Variants in ABR observed in about 807,000 individuals in gnomAD.
ABR encodes the protein active breakpoint cluster region-related protein.
A neutral mutation model predicts 107.2 loss-of-function variants in ABR; 35 were observed. That is an observed-to-expected ratio of 0.33 (90% confidence interval 0.25 to 0.43). The LOEUF (loss-of-function observed/expected upper bound fraction) is 0.43, where lower values mean the gene tolerates loss of function less well. Among genes scored for constraint, ABR ranks in the 20% least tolerant of loss-of-function variants. ABR has a pLI of 1.00. For missense variants in ABR, 815 were observed against 1,115.2 expected, an observed-to-expected ratio of 0.73 and a Z score of 3.83; for synonymous variants, 498 against 462.0, an observed-to-expected ratio of 1.08 and a Z score of -1.00.
intron 2 of ABR, among the ~76,000 whole-genome samples, chr17:1,117,916 C>G (rs1220470240): frequency 8.8e-6 from 1 of 113,224 alleles, no homozygotes; most frequent in African/African-American, 3.5e-5. Flanking sequence ...CAGCGTTATC[C>G]CTGAGCCTGA....
chr17:1,100,282 C>G (rs75085312), intron 3 of ABR, among the ~76,000 whole-genome samples: 3,454 of 152,304 alleles, frequency 0.023, 137 homozygotes, highest in African/African-American at 0.079. Flanking sequence ...TTGGGAATGA[C>G]TGCCCAGAGC....
At chr17:1,218,841 A>G (rs1460248142) in intron 1 of ABR, among the ~76,000 whole-genome samples, 7 of 152,190 alleles carry the variant, frequency 4.6e-5, no homozygotes, top group African/African-American at 7.2e-5. Flanking sequence ...ACTGCAGTGT[A>G]CTTCTAGACT....
rs57761576 is a variant in ABR, at chr17:1,225,148, C to CA, written c.838+3644dup. ...TGGGCAACACCGTGAGACTCCATCT[C>CA]AAAAAAAAAAAAAAAGAAAAGAAAA... On this transcript the variant is annotated intron_variant, in intron 1 of 22. Coordinates refer to the ABR transcript ENST00000574139. Among the ~76,000 whole-genome samples the CA allele has an allele frequency of 1.8e-3, 210 of 119,030 alleles. 1 individual carries two copies. The East Asian group carries it at 0.019, about 11-fold the overall frequency. 78.1% of individuals were successfully genotyped at this position (119,030 alleles called of 152,430 possible). A position where few individuals can be genotyped will look rare whatever the true frequency, so the allele number is the denominator to read the frequency against.
In ABR at chr17:1,210,121, G is replaced by A. The variant is rs1439776375; in HGVS notation, c.838+18672C>T. On this transcript the variant is annotated intron_variant, in intron 1 of 22. Transcript: ENST00000574139. This position sits in a 1 kb window ranked among gnomAD's most constrained non-coding sequence, Gnocchi z 5.6. ...GGCTGATCTCTTAGAGAGACAGGGA[G>A]AAAGTAGAGGTAGAAAGTAACAGAA... Among the ~76,000 whole-genome samples the A allele has an allele frequency of 1.3e-5, 2 of 152,224 alleles. No homozygotes were observed. Among genetic ancestry groups the A allele is most frequent in the African/African-American group, 4.8e-5 (2 of 41,446 alleles).
At chr17:1,030,318 C>A (rs1053632814) in intron 16 of ABR, among the ~76,000 whole-genome samples, 7 of 152,244 alleles carry the variant, frequency 4.6e-5, no homozygotes, top group African/African-American at 1.7e-4. Flanking sequence ...GGACCCGGAA[C>A]CTGCCAGGTC....
chr17:1,101,932 A>T (rs1445128993), intron 2 of ABR, among the ~76,000 whole-genome samples: 1 of 151,802 alleles, frequency 6.6e-6, no homozygotes, highest in Admixed American at 6.6e-5. Context: ...CCGGGATTTC[A>T]CCGTGTTAGC....
chr17:1,100,274 G>A (rs992171814), intron 3 of ABR, among the ~76,000 whole-genome samples: 1 of 152,232 alleles, frequency 6.6e-6, no homozygotes, highest in African/African-American at 2.4e-5. Context: ...TGGATTGATT[G>A]GGAATGACTG....
intron 7 of ABR, 89 bp from the exon 8 acceptor site, chr17:1,072,843 T>C: frequency 6.8e-7 from 1 of 1,462,802 alleles, no homozygotes; most frequent in Non-Finnish European, 9.0e-7. Flanking sequence ...ATCCAAAGGG[T>C]GGGCACTCAG....
At chr17:1,025,156 C>T (rs1449293158) in intron 16 of ABR, among the ~76,000 whole-genome samples, 3 of 141,780 alleles carry the variant, frequency 2.1e-5, no homozygotes, top group Admixed American at 1.4e-4. Flanking sequence ...CTTGGCCGGG[C>T]GTGGTGGCGG....
In ABR at chr17:1,016,465, T is replaced by C. The variant is rs960691399; in HGVS notation, c.1792-3301A>G. Reference sequence around the variant, plus strand: ...CCGAGTAGCTGGGATTACAGGTGCCTGCCACCACGCCCAGCTAATTTTTTA... The same window carrying C: ...CCGAGTAGCTGGGATTACAGGTGCCCGCCACCACGCCCAGCTAATTTTTTA... On this transcript the variant is annotated intron_variant, in intron 16 of 22. Coordinates refer to ENST00000302538, the MANE Select transcript of ABR (RefSeq NM_021962.5). 1.1e-4 allele frequency among the ~76,000 whole-genome samples: 17 copies of C among 151,840 alleles called. No homozygotes were observed. The South Asian group carries it at 1.2e-3, about 11-fold the overall frequency.
At chr17:1,079,136 G>T in intron 6 of ABR, 194 bp downstream of exon 6, 1 of 1,436,984 alleles carries the variant, frequency 7.0e-7, no homozygotes, top group Non-Finnish European at 9.1e-7. Flanking sequence ...TGGCTGCCTG[G>T]GCACGAGGCT....
intron 12 of ABR, 54 bp from the exon 13 acceptor site, chr17:1,057,156 G>T: frequency 7.9e-7 from 1 of 1,265,838 alleles, no homozygotes; most frequent in Non-Finnish European, 1.1e-6. Context: ...ACCAGGACCG[G>T]CTGCTCTTCC....
chr17:1,177,048 C>G (rs1402761368), intron 1 of ABR, among the ~76,000 whole-genome samples: 1 of 152,030 alleles, frequency 6.6e-6, no homozygotes, highest in Non-Finnish European at 1.5e-5. Flanking sequence ...ACCCTGTGCC[C>G]TGGGTATACC....
intron 1 of ABR, among the ~76,000 whole-genome samples, chr17:1,203,265 C>T (rs1444237937): frequency 6.6e-6 from 1 of 151,296 alleles, no homozygotes; most frequent in African/African-American, 2.4e-5. Context: ...GCTTCGGATC[C>T]AGCCAGGCTC....
chr17:1,044,142 C>T (rs2031161614), intron 16 of ABR, among the ~76,000 whole-genome samples: 1 of 152,064 alleles, frequency 6.6e-6, no homozygotes, highest in South Asian at 2.1e-4. Flanking sequence ...ACAGTGGAGT[C>T]CCCTGGGACC....
chr17:1,056,964 T>C (rs1474129638), intron 13 of ABR, 34 bp downstream of exon 13: 1 of 1,507,330 alleles, frequency 6.6e-7, no homozygotes, highest in Non-Finnish European at 9.2e-7. Context: ...GGCTGGGACC[T>C]GCCGGTTGGG....
chr17:1,050,947 G>A lies in ABR; in HGVS notation c.1562-313C>T, dbSNP rs1364238349. On this transcript the variant is annotated intron_variant, in intron 14 of 22. Coordinates refer to ENST00000302538, the MANE Select transcript of ABR (RefSeq NM_021962.5). This position sits in a 1 kb window ranked among gnomAD's most constrained non-coding sequence, Gnocchi z 4.6. ...CCCACCTCGGCCCTCCCCACACTCT[G>A]GCCTCCTCCTCCCTCTAAAGGGCCC... Among the ~76,000 whole-genome samples the A allele has an allele frequency of 6.6e-6, 1 of 150,836 alleles. No homozygotes were observed. Among genetic ancestry groups the A allele is most frequent in the Non-Finnish European group, 1.5e-5 (1 of 67,844 alleles).
intron 4 of ABR, among the ~76,000 whole-genome samples, chr17:1,091,328 CGGG>C: frequency 8.7e-6 from 1 of 114,410 alleles, no homozygotes; most frequent in Non-Finnish European, 1.9e-5. Context: ...GAGCACCCTC[CGGG>C]AGGGAGAAGG....
chr17:1,190,947 C>T (rs895343792), upstream of ABR, among the ~76,000 whole-genome samples: 4 of 152,318 alleles, frequency 2.6e-5, no homozygotes, highest in South Asian at 2.1e-4. Flanking sequence ...TGGGCCCTCA[C>T]GCTCCCAAGG....
Sources: allele counts gnomAD v4.1 joint callset (sites outside exome capture counted in the v4.1 genomes callset), GRCh38; gene constraint gnomAD v4.1.1; non-coding constraint Gnocchi (gnomAD v3.1); transcripts MANE v1.5; gene names NCBI Gene and HGNC (gene_info 2026-07-23, HGNC 2026-07-21).